CNTN6: variants seen among roughly 807,000 people sequenced by gnomAD.
CNTN6 encodes contactin 6.
CNTN6 carries 137 observed loss-of-function variants against 122.8 expected under a neutral mutation model. The observed-to-expected ratio is 1.12, with a 90% CI of 0.97 to 1.29. CNTN6 has a LOEUF of 1.29. Ranked by LOEUF, CNTN6 falls within the 50% of genes most tolerant of loss-of-function variation. The pLI is 0.00. For missense variants in CNTN6, 1,634 were observed against 1,223.4 expected (o/e 1.34, Z -5.01); for synonymous variants, 570 against 426.0 (o/e 1.34, Z -4.16).
At chr3:1,244,943 T>G (rs954796103) in intron 4 of CNTN6, among the ~76,000 whole-genome samples, 19 of 150,238 alleles carry the variant, frequency 1.3e-4, no homozygotes, top group Non-Finnish European at 1.0e-4. Context: ...TCAGTTAGGA[T>G]GGGGCAGGAA....
chr3:1,367,099 A>G (rs1184731674), intron 12 of CNTN6, among the ~76,000 whole-genome samples: 2 of 152,174 alleles, frequency 1.3e-5, no homozygotes, highest in African/African-American at 4.8e-5. Context: ...ACATGTTTAC[A>G]TTGTGTAATG....
chr3:1,398,438 A>G (rs1273179055), intron 20 of CNTN6, among the ~76,000 whole-genome samples: 1 of 152,178 alleles, frequency 6.6e-6, no homozygotes, highest in Non-Finnish European at 1.5e-5. Flanking sequence ...AAACATATCA[A>G]GCATCCAAGT....
chr3:1,312,812 C>CT (rs746158925), intron 7 of CNTN6, among the ~76,000 whole-genome samples: 1,451 of 137,946 alleles, frequency 0.011, 20 homozygotes, highest in African/African-American at 0.034. Flanking sequence ...GGTTCAAATC[C>CT]TTTTTTTTTT....
chr3:1,384,784 T>G (rs1188512001), intron 19 of CNTN6, among the ~76,000 whole-genome samples: 13 of 133,610 alleles, frequency 9.7e-5, no homozygotes, highest in Admixed American at 3.1e-4. Flanking sequence ...TATATATATA[T>G]ATATATATAT....
At chr3:1,098,756 GCACACACACA>G (rs57847953) in intron 1 of CNTN6, among the ~76,000 whole-genome samples, 51 of 89,100 alleles carry the variant, frequency 5.7e-4, no homozygotes, top group Non-Finnish European at 2.7e-4. Context: ...TGGCAGTAAT[GCACACACACA>G]CACACACACA....
At chr3:1,107,454 T>C (rs1333237255) in intron 1 of CNTN6, among the ~76,000 whole-genome samples, 1 of 152,136 alleles carries the variant, frequency 6.6e-6, no homozygotes, top group East Asian at 1.9e-4. Context: ...CATGTAGATG[T>C]CAAAGATGCC....
intron 2 of CNTN6, among the ~76,000 whole-genome samples, chr3:1,194,780 G>A (rs1246610346): frequency 6.6e-6 from 1 of 152,012 alleles, no homozygotes; most frequent in East Asian, 1.9e-4. Flanking sequence ...CTCCTTGGGG[G>A]TGATGTCAAC....
rs56376443 is a variant in CNTN6 at position 1,316,428 on chromosome 3, C to T, written c.762-5222C>T. On this transcript the variant is annotated intron_variant, in intron 7 of 22. Coordinates refer to ENST00000446702, the MANE Select transcript of CNTN6 (RefSeq NM_001289080.2). Reference sequence around the variant, plus strand: ...AGAGAGAGAGAGGGAAGGTGCTACACACCTTTAAACAACCATATCTCACAA... The same window carrying T: ...AGAGAGAGAGAGGGAAGGTGCTACATACCTTTAAACAACCATATCTCACAA... Among the ~76,000 whole-genome samples, 702 of 151,888 alleles carry T rather than the reference C, an allele frequency of 4.6e-3. 4 individuals are homozygous for T. Among genetic ancestry groups the T allele is most frequent in the African/African-American group, 0.016 (665 of 41,450 alleles).
At chr3:1,222,946 T>C (rs556302693) in intron 3 of CNTN6, among the ~76,000 whole-genome samples, 11 of 152,308 alleles carry the variant, frequency 7.2e-5, no homozygotes, top group Non-Finnish European at 1.5e-4. Flanking sequence ...AATTAAGTTT[T>C]TAATGCTTAA....
chr3:1,200,347 T>C (rs2093844993), intron 2 of CNTN6, among the ~76,000 whole-genome samples: 1 of 152,188 alleles, frequency 6.6e-6, no homozygotes, highest in African/African-American at 2.4e-5. Context: ...CATGTATTTT[T>C]AATTCAGCTC....
chr3:1,258,256 T>G (rs2094791502), intron 4 of CNTN6, among the ~76,000 whole-genome samples: 1 of 152,142 alleles, frequency 6.6e-6, no homozygotes, highest in Non-Finnish European at 1.5e-5. Context: ...TCTCCTCTAC[T>G]TTCATTGTAG....
chr3:1,282,738 G>A (rs188306391), intron 5 of CNTN6, among the ~76,000 whole-genome samples: 15 of 152,192 alleles, frequency 9.9e-5, no homozygotes, highest in African/African-American at 3.6e-4. Context: ...TCTCTCACTG[G>A]TAGGCTGTGA....
chr3:1,392,843 A>T (rs1351700459), intron 20 of CNTN6, among the ~76,000 whole-genome samples: 2 of 135,136 alleles, frequency 1.5e-5, no homozygotes, highest in African/African-American at 5.5e-5. Context: ...AATGCAAATC[A>T]AAACCACAAT....
chr3:1,212,257 T>G (rs1260740044), intron 2 of CNTN6, among the ~76,000 whole-genome samples: 1 of 149,886 alleles, frequency 6.7e-6, no homozygotes, highest in Non-Finnish European at 1.5e-5. Flanking sequence ...AACTTGTTTT[T>G]TTTTTTTTTT....
rs138006520 is a variant in CNTN6, at chr3:1,148,977, A to G, written c.55+914A>G. ...GAAGAATGCAGCATTTCTTGATGCC[A>G]ACGCTTGGAACTGCTACATTGCCAT... On this transcript the variant is annotated intron_variant, in intron 2 of 22. Transcript: ENST00000446702. Among the ~76,000 whole-genome samples the G allele has an allele frequency of 2.4e-3, 364 of 152,308 alleles. 2 individuals are homozygous for G. The highest frequency in any genetic ancestry group is 8.3e-3 in the African/African-American group (346 of 41,570).
At chr3:1,189,392 A>G (rs2093670599) in intron 2 of CNTN6, among the ~76,000 whole-genome samples, 1 of 152,354 alleles carries the variant, frequency 6.6e-6, no homozygotes, top group East Asian at 1.9e-4. Flanking sequence ...TATACATTGT[A>G]CATTCATGTA....
chr3:1,315,107 T>C (rs1699910405), intron 7 of CNTN6, among the ~76,000 whole-genome samples: 1 of 152,064 alleles, frequency 6.6e-6, no homozygotes, highest in East Asian at 1.9e-4. Context: ...CCATTTGTTT[T>C]GACTCTGTAA....
chr3:1,387,720 C>G (rs369370958), intron 20 of CNTN6, among the ~76,000 whole-genome samples: 2 of 152,138 alleles, frequency 1.3e-5, no homozygotes, highest in African/African-American at 2.4e-5. Flanking sequence ...GTGCGCAAGC[C>G]GAAGCAGGGC....
chr3:1,318,810 CTT>C (rs1008078954), intron 7 of CNTN6, among the ~76,000 whole-genome samples: 1 of 151,614 alleles, frequency 6.6e-6, no homozygotes, highest in Non-Finnish European at 1.5e-5. Context: ...TCAGTTCTCT[CTT>C]TGTGAAGATA....
Sources: gnomAD v4.1 joint callset for allele counts (sites outside exome capture counted in the v4.1 genomes callset) on GRCh38, gnomAD v4.1.1 for gene constraint, MANE v1.5 for transcripts, NCBI Gene and HGNC (gene_info 2026-07-23, HGNC 2026-07-21) for gene names.